The following ACYP2 variants were observed in gnomAD, a reference collection of about 807,000 sequenced individuals.
The protein encoded by ACYP2 is acylphosphatase 2.
Under a neutral mutation model 11.2 loss-of-function variants are expected in ACYP2, and 12 were observed. The observed-to-expected ratio is 1.08, with a 90% confidence interval of 0.69 to 1.74. ACYP2 has a LOEUF of 1.74. Among genes scored for constraint, ACYP2 ranks in the 40% most tolerant of loss-of-function variants. The probability of loss-of-function intolerance (pLI) is 0.00; values close to 1 mark genes in which losing one functional copy is unlikely to be tolerated. For synonymous variants in ACYP2, 43 were observed against 32.2 expected (o/e 1.33, Z -1.13); for missense variants, 134 against 101.9 (o/e 1.31, Z -1.35).
intron 6 of ACYP2, among the ~76,000 whole-genome samples, chr2:54,213,180 G>T (rs558753280): frequency 1.3e-5 from 2 of 152,222 alleles, no homozygotes; most frequent in Non-Finnish European, 2.9e-5. Flanking sequence ...TTTTAAGAGA[G>T]AACATTGGTA....
intron 6 of ACYP2, among the ~76,000 whole-genome samples, chr2:54,193,207 G>T (rs1684308823): frequency 6.6e-6 from 1 of 152,078 alleles, no homozygotes; most frequent in Admixed American, 6.5e-5. Context: ...TTCCCTGTTT[G>T]TCAAGTACCG....
At chr2:54,161,193 G>A (rs1163673093) in intron 6 of ACYP2, among the ~76,000 whole-genome samples, 1 of 152,136 alleles carries the variant, frequency 6.6e-6, no homozygotes, top group African/African-American at 2.4e-5. Context: ...AGACAGCTTG[G>A]AGATCACCCA....
At chr2:54,034,166 T>C (rs574534452) in intron 2 of ACYP2, among the ~76,000 whole-genome samples, 1 of 152,316 alleles carries the variant, frequency 6.6e-6, no homozygotes, top group South Asian at 2.1e-4. Context: ...GAGACCAGCC[T>C]GGCCAACATG....
At chr2:54,270,869 C>T (rs77493716) in intron 6 of ACYP2, among the ~76,000 whole-genome samples, 1,828 of 152,268 alleles carry the variant, frequency 0.012, 34 homozygotes, top group African/African-American at 0.042. Flanking sequence ...AATAACTTCA[C>T]TTGGTGAACA....
intron 4 of ACYP2, among the ~76,000 whole-genome samples, chr2:54,081,841 G>C (rs1218187747): frequency 6.6e-6 from 1 of 152,190 alleles, no homozygotes; most frequent in Non-Finnish European, 1.5e-5. Flanking sequence ...GCCACAGGAT[G>C]ATCTGGGATG....
At chr2:54,144,734 A>G (rs1467813516) in intron 6 of ACYP2, among the ~76,000 whole-genome samples, 1 of 151,874 alleles carries the variant, frequency 6.6e-6, no homozygotes, top group Non-Finnish European at 1.5e-5. Flanking sequence ...AAAATTCCTA[A>G]TCTTGTAGAA....
chr2:54,250,440 C>T (rs1687170304), intron 6 of ACYP2, among the ~76,000 whole-genome samples: 1 of 148,338 alleles, frequency 6.7e-6, no homozygotes, highest in South Asian at 2.2e-4. Context: ...TGCCATTGCA[C>T]TCCAGCAGAA....
chr2:54,267,164 G>T (rs555856148), intron 6 of ACYP2: 4 of 842,850 alleles, frequency 4.7e-6, no homozygotes, highest in Admixed American at 2.8e-5. Flanking sequence ...TAATGAGCAT[G>T]TATTATTCAT....
intron 2 of ACYP2, among the ~76,000 whole-genome samples, chr2:54,007,353 A>G (rs1307241217): frequency 2.0e-5 from 3 of 149,418 alleles, no homozygotes; most frequent in South Asian, 2.1e-4. Flanking sequence ...TCCCGGGTCC[A>G]AGTGATTCTT....
chr2:54,217,631 C>T (rs962536209), intron 6 of ACYP2, among the ~76,000 whole-genome samples: 3 of 152,066 alleles, frequency 2.0e-5, no homozygotes, highest in Admixed American at 2.0e-4. Context: ...CCTCGGCTTC[C>T]CAAAGTACTG....
intron 1 of ACYP2, chr2:53,971,369 G>A (rs1671097594): frequency 6.6e-6 from 1 of 152,324 alleles, no homozygotes; most frequent in Admixed American, 6.5e-5. Flanking sequence ...TGGGTTAGAG[G>A]GGTTTATGGA....
intron 4 of ACYP2, among the ~76,000 whole-genome samples, chr2:54,094,178 G>C (rs1293043138): frequency 1.3e-5 from 2 of 151,676 alleles, no homozygotes; most frequent in Non-Finnish European, 2.9e-5. Context: ...GCTTGCAAAA[G>C]AAAGGAAGAT....
rs150882403 is a variant in ACYP2 at position 54,288,867 on chromosome 2, T to G, written c.405-15821T>G. On this transcript the variant is annotated intron_variant, in intron 6 of 6. Transcript: ENST00000607452. ...ATCTGGATGATTGCCAAGTCCAAAC[T>G]GCACTTTGTAGACCCAATCTCAGGG... 8.4e-4 allele frequency among the ~76,000 whole-genome samples: 128 copies of G among 152,134 alleles called. 3 individuals are homozygous for G. The highest frequency in any genetic ancestry group is 2.7e-3 in the African/African-American group (111 of 41,382).
intron 4 of ACYP2, among the ~76,000 whole-genome samples, chr2:54,064,634 T>C (rs1676645806): frequency 6.6e-6 from 1 of 152,200 alleles, no homozygotes; most frequent in Non-Finnish European, 1.5e-5. Flanking sequence ...CTAAAAACAC[T>C]GTACCTTATA....
At chr2:54,080,658 T>G (rs1238177609) in intron 4 of ACYP2, among the ~76,000 whole-genome samples, 1 of 152,088 alleles carries the variant, frequency 6.6e-6, no homozygotes, top group South Asian at 2.1e-4. Flanking sequence ...CCAGGTAATT[T>G]TTGTATTTTT....
chr2:54,288,512 T>TCATTAGTG (rs2104135838), intron 6 of ACYP2, among the ~76,000 whole-genome samples: 1 of 152,198 alleles, frequency 6.6e-6, no homozygotes, highest in African/African-American at 2.4e-5. Flanking sequence ...TAATTCTGTC[T>TCATTAGTG]CATTAGTGCA....
chr2:54,255,156 C>T lies in ACYP2; in HGVS notation c.405-49532C>T, dbSNP rs1197308535. ...GAATGAAGGACTGGGGTCCATGGCC[C>T]CGGCGCCACATGATTAGAGTGGAAA... On this transcript the variant is annotated intron_variant, in intron 6 of 6. Transcript: ENST00000607452. 6 of 1,614,006 alleles carry T rather than the reference C, an allele frequency of 3.7e-6. No homozygotes were observed. The Admixed American group carries it at 1.0e-4, about 27-fold the overall frequency.
intron 6 of ACYP2, among the ~76,000 whole-genome samples, chr2:54,251,793 C>T (rs549337220): frequency 1.1e-4 from 16 of 152,270 alleles, no homozygotes; most frequent in South Asian, 2.1e-4. Context: ...ACTTACTATT[C>T]GGTATAATAG....
At chr2:54,244,313 C>A (rs149780910) in intron 6 of ACYP2, among the ~76,000 whole-genome samples, 2 of 152,086 alleles carry the variant, frequency 1.3e-5, no homozygotes, top group African/African-American at 4.8e-5. Flanking sequence ...GCAATTCTTG[C>A]GCCTTAGCCT....
Sources: allele counts gnomAD v4.1 joint callset (sites outside exome capture counted in the v4.1 genomes callset), GRCh38; gene constraint gnomAD v4.1.1; transcripts MANE v1.5; gene names NCBI Gene and HGNC (gene_info 2026-07-23, HGNC 2026-07-21).